PPARA: variants seen among roughly 807,000 people sequenced by gnomAD.
PPARA encodes peroxisome proliferator activated receptor alpha.
A neutral mutation model predicts 42.2 loss-of-function variants in PPARA; 22 were observed. The ratio of observed to expected loss-of-function variants is 0.52; its 90% CI spans 0.37 to 0.74. The LOEUF (loss-of-function observed/expected upper bound fraction) is 0.74. Among genes scored for constraint, PPARA ranks in the 30% least tolerant of loss-of-function variants. The probability of loss-of-function intolerance (pLI) is 0.00; values close to 1 mark genes in which losing one functional copy is unlikely to be tolerated. For synonymous variants in PPARA, 242 were observed against 239.3 expected, an observed-to-expected ratio of 1.01 and a Z score of -0.10; for missense variants, 465 against 608.2, an observed-to-expected ratio of 0.76 and a Z score of 2.48.
Position 46,195,743 on chromosome 22 carries a change from C to T in PPARA, c.-42-2599C>T, listed in dbSNP as rs1203428220. Among the ~76,000 whole-genome samples, 2 of 152,112 alleles carry T rather than the reference C, an allele frequency of 1.3e-5. No individual in the cohort carries two copies. The highest frequency in any genetic ancestry group is 2.9e-5 in the Non-Finnish European group (2 of 68,026). ...TCTTTACTCTATCTGGAGAGTCTGGCGTTCCGTAATCACCATGTGATGACG... is the reference window on the plus strand; with the variant it reads ...TCTTTACTCTATCTGGAGAGTCTGGTGTTCCGTAATCACCATGTGATGACG... On this transcript the variant is annotated intron_variant, in intron 3 of 8. Transcript: ENST00000407236. This position sits in a 1 kb window ranked among gnomAD's most constrained non-coding sequence, Gnocchi z 4.6.
rs556274923 is a variant in PPARA at position 46,224,285 on chromosome 22, T to C, written c.711+4271T>C. On this transcript the variant is annotated intron_variant, in intron 7 of 8. Coordinates refer to ENST00000407236, the MANE Select transcript of PPARA (RefSeq NM_005036.6). This position sits in a 1 kb window ranked among gnomAD's most constrained non-coding sequence, Gnocchi z 5.7. ...AGAGCTGGCTCCTTCAGGTGCAGGA[T>C]ACCCTCTCTGCTTAGTCTGGGAAAA... Among the ~76,000 whole-genome samples the C allele has an allele frequency of 6.6e-6, 1 of 152,236 alleles. No homozygotes were observed. Among genetic ancestry groups the C allele is most frequent in the Non-Finnish European group, 1.5e-5 (1 of 68,018 alleles).
intron 7 of PPARA, among the ~76,000 whole-genome samples, chr22:46,226,297 T>C (rs549896053): frequency 6.6e-6 from 1 of 152,354 alleles, no homozygotes; most frequent in African/African-American, 2.4e-5. Context: ...AGAAGCAAAC[T>C]GCACCTTCCA....
chr22:46,241,929 AAAG>A lies in PPARA; in HGVS notation c.*6551_*6553del, dbSNP rs1346496554. ...GGATTATTTGAAAAAAAAAAAAAAA[AAAG>A]AGAGAAAAAATAATTGATTTTTACA... On this transcript the variant is annotated 3_prime_UTR_variant, in exon 9 of 9. Transcript: ENST00000407236. This position sits in a 1 kb window ranked among gnomAD's most constrained non-coding sequence, Gnocchi z 5.7. 6.6e-6 allele frequency: 1 copy of A among 150,846 alleles called. No homozygotes were observed. Among genetic ancestry groups the A allele is most frequent in the East Asian group, 1.9e-4 (1 of 5,182 alleles). 9.3% of individuals were successfully genotyped at this position (150,846 alleles called of 1,614,324 possible).
intron 4 of PPARA, among the ~76,000 whole-genome samples, chr22:46,206,211 C>T (rs1933286780): frequency 6.6e-6 from 1 of 152,184 alleles, no homozygotes; most frequent in African/African-American, 2.4e-5. Context: ...AAGCAATTCT[C>T]CTGCCTCATC....
chr22:46,185,962 T>TACACACAC (rs1471738633), intron 3 of PPARA, among the ~76,000 whole-genome samples: 1 of 37,122 alleles, frequency 2.7e-5, no homozygotes, highest in African/African-American at 8.9e-5. Context: ...TATATATATA[T>TACACACAC]ATACACACAC....
In PPARA at chr22:46,156,839, T is replaced by C. The variant is rs967379096; in HGVS notation, c.-127+4869T>C. Among the ~76,000 whole-genome samples the C allele has an allele frequency of 7.9e-5, 12 of 152,318 alleles. No individual in the cohort carries two copies. Among genetic ancestry groups the C allele is most frequent in the African/African-American group, 2.4e-4 (10 of 41,570 alleles). On this transcript the variant is annotated intron_variant, in intron 2 of 8. Coordinates refer to ENST00000407236, the MANE Select transcript of PPARA (RefSeq NM_005036.6). The surrounding 1 kb of genome is among the most constrained non-coding windows in gnomAD (Gnocchi z 5.2). ...CTGGTTTTGAACTTCTGACCTCAGG[T>C]GATCCACCTGCTTCAGCCTCCCAAA...
chr22:46,185,912 AAAAAATATATATATATATATATATATAT>A (rs1569207514), intron 3 of PPARA, among the ~76,000 whole-genome samples: 2 of 58,850 alleles, frequency 3.4e-5, no homozygotes, highest in African/African-American at 1.6e-4. Context: ...AAAAAAAAAA[AAAAAATATATATATATATATATATATAT>A]ATATATATAT....
rs1473242601 is a variant in PPARA at position 46,232,441 on chromosome 22, GTTA to G, written c.1159+207_1159+209del. 1.3e-5 allele frequency among the ~76,000 whole-genome samples: 2 copies of G among 150,772 alleles called. No individual in the cohort carries two copies. The highest frequency in any genetic ancestry group is 4.8e-5 in the African/African-American group (2 of 41,244). ...ATTGTATAATATTATAGTATATATT[GTTA>G]TTATCTATAAATACATATTTAATAT... On this transcript the variant is annotated intron_variant, in intron 8 of 8. Coordinates refer to ENST00000407236, the MANE Select transcript of PPARA (RefSeq NM_005036.6). The surrounding 1 kb of genome is among the most constrained non-coding windows in gnomAD (Gnocchi z 5.3).
intron 2 of PPARA, among the ~76,000 whole-genome samples, chr22:46,176,454 C>G (rs546261175): frequency 1.3e-5 from 2 of 152,208 alleles, no homozygotes; most frequent in South Asian, 2.1e-4. Context: ...CCACTGCACT[C>G]CAGCCTGGGC....
At position 46,193,996 on chromosome 22, in the gene PPARA, G is replaced by T. The variant is rs1931892337; in HGVS notation, c.-42-4346G>T. 6.6e-6 allele frequency among the ~76,000 whole-genome samples: 1 copy of T among 152,232 alleles called. No homozygotes were observed. Among genetic ancestry groups the T allele is most frequent in the Non-Finnish European group, 1.5e-5 (1 of 68,046 alleles). ...CATGTCATGTGGGTAATAGGAAGGG[G>T]TGGGGACTTCCCCGGGATATTCTGC... is the stretch of plus-strand genomic sequence containing the variant. On this transcript the variant is annotated intron_variant, in intron 3 of 8. Coordinates refer to ENST00000407236, the MANE Select transcript of PPARA (RefSeq NM_005036.6). This position sits in a 1 kb window ranked among gnomAD's most constrained non-coding sequence, Gnocchi z 5.3.
In PPARA at chr22:46,242,488, T is replaced by C. The variant is rs569171296; in HGVS notation, c.*7108T>C. 1 of 152,762 alleles carries C rather than the reference T, an allele frequency of 6.5e-6. No homozygotes were observed. Among genetic ancestry groups the C allele is most frequent in the African/African-American group, 2.4e-5 (1 of 41,568 alleles). 9.5% of individuals were successfully genotyped at this position (152,762 alleles called of 1,614,324 possible). A position where few individuals can be genotyped will look rare whatever the true frequency, so the allele number is the denominator to read the frequency against. On this transcript the variant is annotated 3_prime_UTR_variant, in exon 9 of 9. Coordinates refer to ENST00000407236, the MANE Select transcript of PPARA (RefSeq NM_005036.6). The surrounding 1 kb of genome is among the most constrained non-coding windows in gnomAD (Gnocchi z 6.1). The stretch of plus-strand genomic sequence containing the variant: ...ATGTTAAATATCACTTTTTTCTACA[T>C]TGTGTGGTAAAAAGAACTACGTTAA...
chr22:46,228,684 C>T (rs1012825472), intron 7 of PPARA, among the ~76,000 whole-genome samples: 1 of 152,212 alleles, frequency 6.6e-6, no homozygotes, highest in Non-Finnish European at 1.5e-5. Flanking sequence ...TGTAGGAACC[C>T]CTGCTTATCC....
chr22:46,179,751 G>A lies in PPARA; in HGVS notation c.-43+2915G>A, dbSNP rs143167799. On this transcript the variant is annotated intron_variant, in intron 3 of 8. Coordinates refer to ENST00000407236, the MANE Select transcript of PPARA (RefSeq NM_005036.6). ...AAAATGAAACTTTTACTGTTCAAAA[G>A]ACAGTTTTAGGAGAATGAAAACACA... Among the ~76,000 whole-genome samples the A allele has an allele frequency of 1.8e-3, 280 of 151,644 alleles. 2 individuals carry two copies. The highest frequency in any genetic ancestry group is 6.5e-3 in the African/African-American group (270 of 41,328).
At position 46,231,226 on chromosome 22, in the gene PPARA, T is replaced by G. The variant is rs1935843041; in HGVS notation, c.712-566T>G. 6.6e-6 allele frequency among the ~76,000 whole-genome samples: 1 copy of G among 151,548 alleles called. No homozygotes were observed. The highest frequency in any genetic ancestry group is 6.6e-5 in the Admixed American group (1 of 15,204). On this transcript the variant is annotated intron_variant, in intron 7 of 8. Transcript: ENST00000407236. The surrounding 1 kb of genome is among the most constrained non-coding windows in gnomAD (Gnocchi z 7.7). ...CACACACTATGCCTGGCTAATTTTT[T>G]TTTTTTTTTTGAGACGGAGTCTCGC...
At position 46,173,773 on chromosome 22, in the gene PPARA, G is replaced by A. The variant is rs561888404; in HGVS notation, c.-126-2980G>A. ...TATCTGTTAAATTAACAGAAGCGAA[G>A]TGTTCTGTGGTGTGTAGGAGCACAC... On this transcript the variant is annotated intron_variant, in intron 2 of 8. Coordinates refer to ENST00000407236, the MANE Select transcript of PPARA (RefSeq NM_005036.6). The surrounding 1 kb of genome is among the most constrained non-coding windows in gnomAD (Gnocchi z 4.3). Among the ~76,000 whole-genome samples the A allele has an allele frequency of 6.6e-6, 1 of 152,168 alleles. No homozygotes were observed. The highest frequency in any genetic ancestry group is 1.5e-5 in the Non-Finnish European group (1 of 68,042).
chr22:46,159,417 T>C (rs1925817065), intron 2 of PPARA, among the ~76,000 whole-genome samples: 2 of 152,182 alleles, frequency 1.3e-5, no homozygotes, highest in South Asian at 4.1e-4. Flanking sequence ...TGTCGTTTTT[T>C]TCCCCCCACT....
Position 46,225,793 on chromosome 22 carries a change from A to G in PPARA, c.711+5779A>G, listed in dbSNP as rs1051584712. Among the ~76,000 whole-genome samples the G allele has an allele frequency of 8.6e-5, 13 of 151,434 alleles. No individual in the cohort carries two copies. The highest frequency in any genetic ancestry group is 1.5e-4 in the African/African-American group (6 of 41,092). On this transcript the variant is annotated intron_variant, in intron 7 of 8. Transcript: ENST00000407236. This position sits in a 1 kb window ranked among gnomAD's most constrained non-coding sequence, Gnocchi z 4.1. ...TGCACGTGTAAACACACACACCCCC[A>G]CACATACACGTGCACCCACACATGC...
chr22:46,157,017 G>T (rs1925400459), intron 2 of PPARA, among the ~76,000 whole-genome samples: 1 of 152,118 alleles, frequency 6.6e-6, no homozygotes, highest in Admixed American at 6.6e-5. Flanking sequence ...CTTGAAGAGG[G>T]ATCTGCTGAA....
rs1935789217 is a variant in PPARA, at chr22:46,230,445, A to C, written c.712-1347A>C. On this transcript the variant is annotated intron_variant, in intron 7 of 8. Coordinates refer to ENST00000407236, the MANE Select transcript of PPARA (RefSeq NM_005036.6). The surrounding 1 kb of genome is among the most constrained non-coding windows in gnomAD (Gnocchi z 5.0). ...CTGCATGAGCTGTGGACCACATTAT[A>C]ATCAGAGAGATCTCTCAGATGTTGT... is the stretch of plus-strand genomic sequence containing the variant. Among the ~76,000 whole-genome samples, 1 of 152,182 alleles carries C rather than the reference A, an allele frequency of 6.6e-6. No homozygotes were observed. The highest frequency in any genetic ancestry group is 6.5e-5 in the Admixed American group (1 of 15,274).
Sources: gnomAD v4.1 joint callset for allele counts (sites outside exome capture counted in the v4.1 genomes callset) on GRCh38, gnomAD v4.1.1 for gene constraint, Gnocchi (gnomAD v3.1) non-coding constraint, MANE v1.5 for transcripts, NCBI Gene and HGNC (gene_info 2026-07-23, HGNC 2026-07-21) for gene names.